KRI1: variants seen among roughly 807,000 people sequenced by gnomAD.
KRI1 encodes the protein protein KRI1 homolog.
In KRI1, 83 loss-of-function variants were observed where a neutral mutation model predicts 97.0. The ratio of observed to expected loss-of-function variants is 0.86; its 90% confidence interval spans 0.72 to 1.03. The LOEUF (loss-of-function observed/expected upper bound fraction) is 1.03. Ranked by LOEUF, KRI1 falls within the 50% of genes least tolerant of loss-of-function variation. KRI1 has a pLI of 0.00. For synonymous variants in KRI1, 371 were observed against 363.5 expected, an observed-to-expected ratio of 1.02 and a Z score of -0.23; for missense variants, 916 against 928.4, an observed-to-expected ratio of 0.99 and a Z score of 0.17.
chr19:10,561,748 C>T (rs780125474), intron 5 of KRI1, 32 bp from the exon 6 acceptor site: 4 of 1,614,074 alleles, frequency 2.5e-6, no homozygotes, highest in Non-Finnish European at 3.4e-6. Flanking sequence ...TCAGGCCAGC[C>T]CCAGGCCCCT....
chr19:10,559,728 C>G lies in KRI1; in HGVS notation c.928-20G>C, dbSNP rs749701088. The G allele has an allele frequency of 6.2e-7, 1 of 1,614,048 alleles. No homozygotes were observed. Among genetic ancestry groups the G allele is most frequent in the Non-Finnish European group, 8.5e-7 (1 of 1,180,014 alleles). On this transcript the variant is annotated intron_variant, in intron 10 of 18. Coordinates refer to ENST00000312962, the MANE Select transcript of KRI1 (RefSeq NM_023008.5). ...CTTGACCTAGGCGCAATCAGAAAAG[C>G]CCACAAGGGCCGCAGAGATGATGTG...
At position 10,561,709 on chromosome 19, in the gene KRI1, G is replaced by A. The variant is rs559715411; in HGVS notation, c.446C>T (p.Ser149Leu). Residue 149 changes from serine (S) to leucine (L), a missense_variant, in exon 6 of 19, where the codon TCG becomes TTG. Physicochemically the swap from Ser to Leu is moderately radical, Grantham distance 145. This residue lies in a region of KRI1 where 71 missense variants were observed against 108.1 expected (regional missense o/e 0.66). Transcript: ENST00000312962. ...CTGTTCCTCCACATAACTTTGCGAC[G>A]ATGTCTCCTGCAGAGAGGGCCATAG... ...ETSNHRLQET[S>L]SQSYVEEQKQ... The A allele has an allele frequency of 1.3e-5, 21 of 1,613,812 alleles. No homozygotes were observed. The highest frequency in any genetic ancestry group is 2.2e-5 in the East Asian group (1 of 44,888).
rs781358347 is a variant in KRI1, at chr19:10,558,200, C to T, written c.1234G>A (p.Glu412Lys). Residue 412 changes from glutamate to lysine, a missense_variant, in exon 13 of 19, where the codon GAG becomes AAG. By Grantham distance (56) the Glu-to-Lys change is moderately conservative. Coordinates refer to ENST00000312962, the MANE Select transcript of KRI1 (RefSeq NM_023008.5). ...TCTTCTTCCTCAAATTGTGGCTTCT[C>T]CTCCTCCACGGCCCCGTAGTACTCG... ...GDEYYGAVEE[E>K]KPQFEEEEGL... 3.7e-6 allele frequency: 6 copies of T among 1,614,106 alleles called. No individual in the cohort carries two copies. Among genetic ancestry groups the T allele is most frequent in the Middle Eastern group, 1.6e-4 (1 of 6,062 alleles).
chr19:10,564,282 G>A (rs921871437), intron 3 of KRI1, among the ~76,000 whole-genome samples: 2 of 151,306 alleles, frequency 1.3e-5, no homozygotes, highest in Non-Finnish European at 2.9e-5. Flanking sequence ...CCAACATGGA[G>A]AAACCCTGTC....
In KRI1 at chr19:10,561,260, C is replaced by G. The variant is rs774583480; in HGVS notation, c.494G>C (p.Arg165Pro). The change falls in exon 7 of 19, where the codon CGG becomes CCG. Residue 165 changes from arginine to proline, a missense_variant. This residue lies in a region of KRI1 where 71 missense variants were observed against 108.1 expected (regional missense o/e 0.66). Coordinates refer to ENST00000312962, the MANE Select transcript of KRI1 (RefSeq NM_023008.5). ...EEQKQLKESF[R>P]AFVEDSEDED... The stretch of plus-strand genomic sequence containing the variant: ...GTCCTCACTGTCCTCCACAAATGCC[C>G]GGAAGCTGCCCACGAGAGAAAACAA... 6.2e-7 allele frequency: 1 copy of G among 1,613,964 alleles called. No individual in the cohort carries two copies. Among genetic ancestry groups the G allele is most frequent in the African/African-American group, 1.3e-5 (1 of 74,924 alleles).
chr19:10,563,307 C>T (rs183991459), intron 3 of KRI1, among the ~76,000 whole-genome samples: 9 of 151,858 alleles, frequency 5.9e-5, no homozygotes, highest in East Asian at 5.8e-4. Context: ...TTGCCTGCAT[C>T]GGCCTCCCAA....
Position 10,561,802 on chromosome 19 carries a change from G to A in KRI1, c.427C>T (p.His143Tyr), listed in dbSNP as rs1210599112. ...TTCACCCCACCCACCTGGAGTCTGTGATTGGAAGTCTCCCCGTCTGAGTTC... is the reference window on the plus strand; with the variant it reads ...TTCACCCCACCCACCTGGAGTCTGTAATTGGAAGTCTCCCCGTCTGAGTTC... ...EENSDGETSN[H>Y]RLQETSSQSY... Residue 143 changes from histidine (H) to tyrosine (Y), a missense_variant, in exon 5 of 19, where the codon CAC (histidine) becomes TAC (tyrosine). Around this residue, in one of 3 missense-constraint regions of KRI1, gnomAD observed 71 missense variants for 108.1 expected, o/e 0.66. Transcript: ENST00000312962. The A allele has an allele frequency of 6.2e-7, 1 of 1,613,920 alleles. No homozygotes were observed. The highest frequency in any genetic ancestry group is 8.5e-7 in the Non-Finnish European group (1 of 1,179,868).
In KRI1 at chr19:10,554,145, G is replaced by T; in HGVS notation, c.1918C>A (p.Pro640Thr). ...PAQEEEAPVS[P>T]HKKPAPQKRR... ...TTCTGGGGGGCTGGCTTCTTGTGGGGTGATACAGGGGCTTCCTCTTCCTGT... is the reference window on the plus strand; with the variant it reads ...TTCTGGGGGGCTGGCTTCTTGTGGGTTGATACAGGGGCTTCCTCTTCCTGT... The change falls in exon 19 of 19, where the codon CCC (proline) becomes ACC (threonine). Residue 640 changes from proline (P) to threonine (T), a missense_variant. Pro to Thr is a conservative substitution (Grantham distance 38). Coordinates refer to ENST00000312962, the MANE Select transcript of KRI1 (RefSeq NM_023008.5). 6.2e-7 allele frequency: 1 copy of T among 1,614,088 alleles called. No individual in the cohort carries two copies. Among genetic ancestry groups the T allele is most frequent in the Non-Finnish European group, 8.5e-7 (1 of 1,180,026 alleles).
chr19:10,564,976 T>G lies in KRI1; in HGVS notation c.227A>C (p.Lys76Thr), dbSNP rs1916817213. Residue 76 changes from lysine (K) to threonine (T), a missense_variant, in exon 3 of 19, where the codon AAG becomes ACG. Around this residue, in one of 3 missense-constraint regions of KRI1, gnomAD observed 173 missense variants for 153.1 expected, o/e 1.13. Transcript: ENST00000312962. ...FYKTLSLLKK[K>T]DPRIYQKDAT... ...ATCTTTCTGATAAATGCGGGGGTCCTTCTTCTTCAACAAGGAGAGCGTTTT... is the reference window on the plus strand; with the variant it reads ...ATCTTTCTGATAAATGCGGGGGTCCGTCTTCTTCAACAAGGAGAGCGTTTT... The G allele has an allele frequency of 6.2e-7, 1 of 1,613,752 alleles. No individual in the cohort carries two copies. Among genetic ancestry groups the G allele is most frequent in the South Asian group, 1.1e-5 (1 of 91,080 alleles).
At position 10,555,299 on chromosome 19, in the gene KRI1, CTT is replaced by C. The variant is rs749985732; in HGVS notation, c.1666_1667del (p.Lys556AspfsTer53). Reference sequence around the variant, plus strand: ...CGCCCCATCACCTGTACATGCAGGTCTTCTTTAGGGAGCACCACCGGTTCAGC... The same window carrying C: ...CGCCCCATCACCTGTACATGCAGGTCCTTTAGGGAGCACCACCGGTTCAGC... ...KELNRWCSLK[K>X]TCMYRSEQEE... On this transcript the variant is annotated frameshift_variant, in exon 17 of 19. Coordinates refer to ENST00000312962, the MANE Select transcript of KRI1 (RefSeq NM_023008.5). LOFTEE classifies it high-confidence loss of function. 1 of 1,614,156 alleles carries C rather than the reference CTT, an allele frequency of 6.2e-7. No individual in the cohort carries two copies. The highest frequency in any genetic ancestry group is 1.1e-5 in the South Asian group (1 of 91,086).
Position 10,559,602 on chromosome 19 carries a change from C to T in KRI1, c.1023+11G>A. On this transcript the variant is annotated intron_variant, in intron 11 of 18. Transcript: ENST00000312962. The stretch of plus-strand genomic sequence containing the variant: ...CTGGGGGGTCCTCCCCAGCTCACCC[C>T]CCACACTCACCCTCTTCTTTCGCTC... 6.2e-7 allele frequency: 1 copy of T among 1,613,966 alleles called. No individual in the cohort carries two copies. The highest frequency in any genetic ancestry group is 8.5e-7 in the Non-Finnish European group (1 of 1,179,984).
At chr19:10,558,108 C>T (rs1916575299) in intron 13 of KRI1, 48 bp from the exon 14 acceptor site, 1 of 1,613,322 alleles carries the variant, frequency 6.2e-7, no homozygotes, top group African/African-American at 1.3e-5. Flanking sequence ...GGACCTTGGG[C>T]TTCAGTCCCA....
chr19:10,553,641 T>A lies in KRI1; in HGVS notation c.*310A>T. On this transcript the variant is annotated 3_prime_UTR_variant, in exon 19 of 19. Coordinates refer to ENST00000312962, the MANE Select transcript of KRI1 (RefSeq NM_023008.5). ...CCCAGGCTGGAGTGCAGTGGTGCAA[T>A]CATAGCTCTCTGTAGCCTCAAACTC... The A allele has an allele frequency of 3.7e-6, 1 of 271,010 alleles. No homozygotes were observed. The allele number at this position is 271,010 out of a possible 1,614,324, so 16.8% of individuals were successfully genotyped here.
intron 7 of KRI1, 44 bp from the exon 8 acceptor site, chr19:10,561,124 C>A (rs756089701): frequency 2.5e-6 from 4 of 1,612,022 alleles, no homozygotes; most frequent in African/African-American, 1.3e-5. Context: ...GCCCAGCCAC[C>A]CGCCACCCTG....
At chr19:10,555,000 T>C in intron 18 of KRI1, 87 bp downstream of exon 18, 1 of 1,095,196 alleles carries the variant, frequency 9.1e-7, no homozygotes, top group Non-Finnish European at 1.3e-6. Context: ...ATTCCCAAAG[T>C]CATGCAACAA....
Position 10,555,084 on chromosome 19 carries a change from T to C in KRI1, c.1781+3A>G, listed in dbSNP as rs550947419. ...CCACGCTTCCCCAGCCAGCACTGCTTACTCTTCTCGGCAGAGTGACTTGAA... is the reference window on the plus strand; with the variant it reads ...CCACGCTTCCCCAGCCAGCACTGCTCACTCTTCTCGGCAGAGTGACTTGAA... On this transcript the variant is annotated splice_donor_region_variant and intron_variant, in intron 18 of 18. Coordinates refer to ENST00000312962, the MANE Select transcript of KRI1 (RefSeq NM_023008.5). 8.1e-6 allele frequency: 13 copies of C among 1,613,116 alleles called. No homozygotes were observed. The East Asian group carries it at 1.1e-4, about 14-fold the overall frequency.
At chr19:10,565,525 A>C (rs986336504) in intron 2 of KRI1, 192 bp downstream of exon 2, 3 of 686,964 alleles carry the variant, frequency 4.4e-6, no homozygotes, top group Non-Finnish European at 7.0e-6. Flanking sequence ...CAGGGGAGAG[A>C]AAATAACGGG....
rs1916456444 is a variant in KRI1 at position 10,555,079 on chromosome 19, C to A, written c.1781+8G>T. 6.2e-7 allele frequency: 1 copy of A among 1,612,706 alleles called. No homozygotes were observed. The highest frequency in any genetic ancestry group is 1.7e-5 in the Admixed American group (1 of 59,970). ...CCCACCCACGCTTCCCCAGCCAGCA[C>A]TGCTTACTCTTCTCGGCAGAGTGAC... is the stretch of plus-strand genomic sequence containing the variant. On this transcript the variant is annotated splice_region_variant and intron_variant, in intron 18 of 18. Coordinates refer to ENST00000312962, the MANE Select transcript of KRI1 (RefSeq NM_023008.5).
rs1484481552 is a variant in KRI1 at position 10,565,937 on chromosome 19, G to T, written c.63C>A (p.Asn21Lys). ...RVNAAFAARY[N>K]RYREREELQR... ...GCAGTTCCTCGCGCTCCCGGTAGCG[G>T]TTGTACCGCGCGGCAAACGCCGCGT... The change falls in exon 1 of 19, where the codon AAC becomes AAA. Residue 21 changes from asparagine (N) to lysine (K), a missense_variant. Asn to Lys is a moderately conservative substitution (Grantham distance 94, BLOSUM62 0). This residue lies in a region of KRI1 where 173 missense variants were observed against 153.1 expected (regional missense o/e 1.13). Transcript: ENST00000312962. 1 of 1,532,700 alleles carries T rather than the reference G, an allele frequency of 6.5e-7. No individual in the cohort carries two copies. Among genetic ancestry groups the T allele is most frequent in the South Asian group, 1.2e-5 (1 of 82,922 alleles). 94.9% of individuals were successfully genotyped at this position (1,532,700 alleles called of 1,614,324 possible). A position where few individuals can be genotyped will look rare whatever the true frequency, so the allele number is the denominator to read the frequency against.
Sources: allele counts gnomAD v4.1 joint callset (sites outside exome capture counted in the v4.1 genomes callset), GRCh38; gene constraint gnomAD v4.1.1; regional missense constraint gnomAD v4.1.1; transcripts MANE v1.5; gene names NCBI Gene and HGNC (gene_info 2026-07-23, HGNC 2026-07-21).